Variants in IL31RA observed in about 807,000 individuals in gnomAD.
The protein encoded by IL31RA is interleukin 31 receptor A.
Under a neutral mutation model 83.7 loss-of-function variants are expected in IL31RA, and 66 were observed. The observed-to-expected ratio is 0.79, with a 90% confidence interval of 0.65 to 0.97. The LOEUF is 0.97. IL31RA is among the 50% of genes least tolerant of loss of function. The pLI, the probability that IL31RA is intolerant of heterozygous loss-of-function variation, is 0.00. For synonymous variants in IL31RA, 325 were observed against 329.0 expected, an observed-to-expected ratio of 0.99 and a Z score of 0.13; for missense variants, 798 against 919.4, an observed-to-expected ratio of 0.87 and a Z score of 1.71.
rs568456886 is a variant in IL31RA at position 55,921,948 on chromosome 5, A to C, written c.*4828A>C. Among the ~76,000 whole-genome samples, 1 of 149,852 alleles carries C rather than the reference A, an allele frequency of 6.7e-6. No homozygotes were observed. The highest frequency in any genetic ancestry group is 2.0e-4 in the East Asian group (1 of 5,064). ...AGGGCATCTGAAAAAGAAATTTCAC[A>C]CTGGTGTATTTTGTTAATTGTTTCT... is the stretch of plus-strand genomic sequence containing the variant. On this transcript the variant is annotated 3_prime_UTR_variant, in exon 15 of 15. Transcript: ENST00000652347.
At chr5:55,905,700 T>C (rs1210144087) in intron 8 of IL31RA, among the ~76,000 whole-genome samples, 1 of 152,222 alleles carries the variant, frequency 6.6e-6, no homozygotes, top group Non-Finnish European at 1.5e-5. Flanking sequence ...CCTGGTATGA[T>C]TTTAAGGTCA....
At chr5:55,879,964 T>C (rs1216276950) in intron 4 of IL31RA, among the ~76,000 whole-genome samples, 1 of 152,208 alleles carries the variant, frequency 6.6e-6, no homozygotes, top group African/African-American at 2.4e-5. Flanking sequence ...GTGGTTAGTG[T>C]AATGAACAAG....
In IL31RA at chr5:55,917,000, T is replaced by C; in HGVS notation, c.2175T>C (p.Ser725=). Residue 725 remains serine, a synonymous_variant, in exon 15 of 15, where the codon AGT becomes AGC. Transcript: ENST00000652347. ...AGCAGCTTCTCTTTTCTGGTCAAAG[T>C]TTAGTACCAGATCATCTGTGTGAGG... is the stretch of plus-strand genomic sequence containing the variant. ...AKEQLLFSGQ[S]LVPDHLCEEG... is the part of the protein sequence containing the mutation. 1 of 1,614,040 alleles carries C rather than the reference T, an allele frequency of 6.2e-7. No individual in the cohort carries two copies. Among genetic ancestry groups the C allele is most frequent in the South Asian group, 1.1e-5 (1 of 91,064 alleles).
intron 6 of IL31RA, 30 bp from the exon 7 acceptor site, chr5:55,896,320 G>A: frequency 6.7e-7 from 1 of 1,496,448 alleles, no homozygotes; most frequent in East Asian, 2.3e-5. Flanking sequence ...CTTATCTCTG[G>A]GTTGAGTACC....
the IL31RA span, among the ~76,000 whole-genome samples, chr5:55,844,144 T>G: frequency 6.6e-6 from 1 of 152,100 alleles, no homozygotes; most frequent in Admixed American, 6.6e-5. Flanking sequence ...TTACATCCAA[T>G]GTCTCCTCAG....
Position 55,867,552 on chromosome 5 carries a change from A to G in IL31RA, c.155-1239A>G, listed in dbSNP as rs576266184. Among the ~76,000 whole-genome samples, 67 of 151,356 alleles carry G rather than the reference A, an allele frequency of 4.4e-4. No homozygotes were observed. In the South Asian group the frequency reaches 8.5e-3, roughly 19 times the overall value. On this transcript the variant is annotated intron_variant, in intron 2 of 14. Transcript: ENST00000652347. Reference sequence around the variant, plus strand: ...CTTCTTTATTAACACATTAAATAAGAAGACCTAATAATTGCCTTAATTTAG... The same window carrying G: ...CTTCTTTATTAACACATTAAATAAGGAGACCTAATAATTGCCTTAATTTAG...
chr5:55,898,030 C>T (rs906444247), intron 7 of IL31RA, among the ~76,000 whole-genome samples: 5 of 152,222 alleles, frequency 3.3e-5, no homozygotes, highest in South Asian at 2.1e-4. Context: ...CCCTGGGTTG[C>T]GGAGGCGGTG....
At chr5:55,870,013 G>A (rs1437994159) in intron 3 of IL31RA, among the ~76,000 whole-genome samples, 1 of 152,162 alleles carries the variant, frequency 6.6e-6, no homozygotes, top group East Asian at 1.9e-4. Flanking sequence ...ATATAGCTAC[G>A]AGAACCTATG....
intron 5 of IL31RA, among the ~76,000 whole-genome samples, chr5:55,886,854 C>T (rs933423455): frequency 6.6e-6 from 1 of 152,216 alleles, no homozygotes; most frequent in Non-Finnish European, 1.5e-5. Flanking sequence ...CCCCAATCTC[C>T]ACCTTTCAGA....
At chr5:55,855,526 A>T (rs537006993) in intron 1 of IL31RA, among the ~76,000 whole-genome samples, 1 of 152,290 alleles carries the variant, frequency 6.6e-6, no homozygotes. Context: ...ACGTAGTGGT[A>T]CATTCTTGTA....
At chr5:55,866,879 CT>C (rs1746081530) in intron 2 of IL31RA, 2 of 152,152 alleles carry the variant, frequency 1.3e-5, no homozygotes, top group African/African-American at 4.8e-5. Flanking sequence ...TACTTCTTGT[CT>C]GGTAGAGACT....
chr5:55,913,250 C>T (rs572534663), intron 12 of IL31RA, among the ~76,000 whole-genome samples: 1 of 152,084 alleles, frequency 6.6e-6, no homozygotes, highest in South Asian at 2.1e-4. Flanking sequence ...ACTATCACAC[C>T]CGGCTAATTT....
rs1397470991 is a variant in IL31RA at position 55,867,296 on chromosome 5, T to C, written c.155-1495T>C. Among the ~76,000 whole-genome samples the C allele has an allele frequency of 1.0e-3, 103 of 98,290 alleles. 1 individual carries two copies. Among genetic ancestry groups the C allele is most frequent in the African/African-American group, 4.4e-3 (99 of 22,388 alleles). 64.5% of individuals were successfully genotyped at this position (98,290 alleles called of 152,430 possible). A position where few individuals can be genotyped will look rare whatever the true frequency, so the allele number is the denominator to read the frequency against. ...GTGTGTGCATGTGTGTGTGCATGTG[T>C]GTGTGTGCGTGTGTGTGTGTGCGTG... On this transcript the variant is annotated intron_variant, in intron 2 of 14. Coordinates refer to ENST00000652347, the MANE Select transcript of IL31RA (RefSeq NM_139017.7).
intron 6 of IL31RA, 86 bp from the exon 7 acceptor site, chr5:55,896,264 C>A: frequency 1.1e-6 from 1 of 905,282 alleles, no homozygotes; most frequent in South Asian, 1.3e-5. Flanking sequence ...TCAAGCAAAT[C>A]CTTCCCAACT....
intron 2 of IL31RA, among the ~76,000 whole-genome samples, chr5:55,863,674 C>G (rs1745823790): frequency 6.6e-6 from 1 of 152,206 alleles, no homozygotes; most frequent in African/African-American, 2.4e-5. Flanking sequence ...GACTATTGTT[C>G]TCTCTTACCA....
At chr5:55,870,248 C>T (rs1307067395) in intron 3 of IL31RA, among the ~76,000 whole-genome samples, 4 of 152,166 alleles carry the variant, frequency 2.6e-5, no homozygotes, top group African/African-American at 7.2e-5. Flanking sequence ...AATTTTCACA[C>T]GCCCCAAAGT....
intron 2 of IL31RA, among the ~76,000 whole-genome samples, chr5:55,867,166 TGC>T (rs1746148304): frequency 1.3e-5 from 1 of 75,192 alleles, no homozygotes; most frequent in Middle Eastern, 7.5e-3. Context: ...TTTGTGTGTG[TGC>T]ATGTGTGTGT....
chr5:55,883,317 G>A, intron 5 of IL31RA, 122 bp downstream of exon 5: 1 of 916,660 alleles, frequency 1.1e-6, no homozygotes, highest in Non-Finnish European at 1.7e-6. Flanking sequence ...GAGAGACATT[G>A]CTAAGTACTT....
At chr5:55,872,548 G>T (rs1746589834) in intron 4 of IL31RA, 97 bp downstream of exon 4, 1 of 651,838 alleles carries the variant, frequency 1.5e-6, no homozygotes, top group South Asian at 1.5e-5. Context: ...GGCTCATCAA[G>T]TTCAAGGATA....
Sources: gnomAD v4.1 joint callset for allele counts (sites outside exome capture counted in the v4.1 genomes callset) on GRCh38, gnomAD v4.1.1 for gene constraint, MANE v1.5 for transcripts, NCBI Gene and HGNC (gene_info 2026-07-23, HGNC 2026-07-21) for gene names.